The following PDZRN4 variants were observed in gnomAD, a reference collection of about 807,000 sequenced individuals.
PDZRN4 encodes the protein PDZ domain-containing RING finger protein 4.
Under a neutral mutation model 99.0 loss-of-function variants are expected in PDZRN4, and 70 were observed. The ratio of observed to expected loss-of-function variants is 0.71; its 90% CI spans 0.58 to 0.86. The LOEUF is 0.86. PDZRN4 is among the 40% of genes least tolerant of loss of function. The probability of loss-of-function intolerance (pLI) is 0.00; values close to 1 mark genes in which losing one functional copy is unlikely to be tolerated. For synonymous variants in PDZRN4, 551 were observed against 501.6 expected, an observed-to-expected ratio of 1.10 and a Z score of -1.32; for missense variants, 1,474 against 1,331.2, an observed-to-expected ratio of 1.11 and a Z score of -1.67.
chr12:41,486,583 T>C lies in PDZRN4; in HGVS notation c.844-19873T>C, dbSNP rs541327925. The stretch of plus-strand genomic sequence containing the variant: ...CTGAAGATTGCAAGAGAAATAGCAA[T>C]AATATGAGAAGGTAGCAGCTGGGAA... On this transcript the variant is annotated intron_variant, in intron 3 of 9. Coordinates refer to ENST00000402685, the MANE Select transcript of PDZRN4 (RefSeq NM_001164595.2). Among the ~76,000 whole-genome samples, 7 of 151,816 alleles carry C rather than the reference T, an allele frequency of 4.6e-5. No homozygotes were observed. In the South Asian group the frequency reaches 1.3e-3, roughly 27 times the overall value.
intron 2 of PDZRN4, among the ~76,000 whole-genome samples, chr12:41,192,540 C>A (rs1475181837): frequency 6.6e-6 from 1 of 152,190 alleles, no homozygotes; most frequent in Non-Finnish European, 1.5e-5. Flanking sequence ...AAACCTATTT[C>A]ACAATACCAT....
At chr12:41,200,802 T>C (rs1950810189) in intron 3 of PDZRN4, among the ~76,000 whole-genome samples, 1 of 152,150 alleles carries the variant, frequency 6.6e-6, no homozygotes, top group African/African-American at 2.4e-5. Flanking sequence ...CCTTTCTGTC[T>C]TTCTTATTCC....
At chr12:41,358,858 A>G (rs1157839787) in intron 3 of PDZRN4, among the ~76,000 whole-genome samples, 1 of 152,012 alleles carries the variant, frequency 6.6e-6, no homozygotes, top group African/African-American at 2.4e-5. Flanking sequence ...TTTCTTTTAT[A>G]AAGCAAAAGC....
intron 3 of PDZRN4, among the ~76,000 whole-genome samples, chr12:41,298,259 T>C (rs1157132504): frequency 6.6e-6 from 1 of 152,136 alleles, no homozygotes; most frequent in African/African-American, 2.4e-5. Context: ...TCGAAATTAC[T>C]CCCAGTGATA....
At chr12:41,300,071 T>A (rs1422716905) in intron 3 of PDZRN4, among the ~76,000 whole-genome samples, 2 of 151,966 alleles carry the variant, frequency 1.3e-5, no homozygotes, top group African/African-American at 4.8e-5. Context: ...TTTATTTGTG[T>A]CATATTTTAT....
intron 3 of PDZRN4, among the ~76,000 whole-genome samples, chr12:41,324,889 C>A (rs567397383): frequency 1.3e-5 from 2 of 152,164 alleles, no homozygotes; most frequent in African/African-American, 4.8e-5. Context: ...AGAATTAACT[C>A]CAACTGTTCC....
At chr12:41,236,832 A>G (rs1566383012) in intron 3 of PDZRN4, among the ~76,000 whole-genome samples, 1 of 152,228 alleles carries the variant, frequency 6.6e-6, no homozygotes. Context: ...TGATAAGACC[A>G]TAGATACTTG....
At chr12:41,305,199 C>T (rs1032623493) in intron 3 of PDZRN4, among the ~76,000 whole-genome samples, 1 of 152,152 alleles carries the variant, frequency 6.6e-6, no homozygotes, top group African/African-American at 2.4e-5. Context: ...GGAAAGCCAA[C>T]ACGTTTCACT....
In PDZRN4 at chr12:41,563,629, G is replaced by C. The variant is rs757185987; in HGVS notation, c.1447G>C (p.Val483Leu). Reference protein sequence around the residue: ...NDECKRIVLLVARPEIQLDEG... With the variant: ...NDECKRIVLLLARPEIQLDEG... ...TGAGTGTAAGAGAATCGTGCTGCTT[G>C]TTGCAAGGCCAGAGATTCAGGTCAG... is the stretch of plus-strand genomic sequence containing the variant. Residue 483 changes from valine to leucine, a missense_variant, in exon 8 of 10, where the codon GTT becomes CTT. Physicochemically the swap from Val to Leu is conservative, Grantham distance 32. Coordinates refer to ENST00000402685, the MANE Select transcript of PDZRN4 (RefSeq NM_001164595.2). 3.7e-6 allele frequency: 6 copies of C among 1,612,982 alleles called. No homozygotes were observed. In the South Asian group the frequency reaches 6.6e-5, roughly 18 times the overall value.
intron 3 of PDZRN4, among the ~76,000 whole-genome samples, chr12:41,428,515 A>G (rs1349238872): frequency 6.6e-6 from 1 of 152,244 alleles, no homozygotes; most frequent in African/African-American, 2.4e-5. Context: ...ACTCTAAAAA[A>G]AGAGAGAAAT....
At chr12:41,368,495 A>G (rs1952018094) in intron 3 of PDZRN4, among the ~76,000 whole-genome samples, 1 of 152,100 alleles carries the variant, frequency 6.6e-6, no homozygotes, top group Non-Finnish European at 1.5e-5. Context: ...TGAGATTTAA[A>G]GGAATTATAT....
At chr12:41,236,229 G>A (rs1453182699) in intron 3 of PDZRN4, among the ~76,000 whole-genome samples, 2 of 152,138 alleles carry the variant, frequency 1.3e-5, no homozygotes, top group African/African-American at 4.8e-5. Context: ...TTGTGCCTTT[G>A]TAGCACAAAG....
intron 3 of PDZRN4, among the ~76,000 whole-genome samples, chr12:41,262,781 C>A (rs1951249930): frequency 1.3e-5 from 2 of 152,010 alleles, no homozygotes; most frequent in South Asian, 4.1e-4. Context: ...AGTGAAATAT[C>A]ATTTTAGATG....
intron 3 of PDZRN4, among the ~76,000 whole-genome samples, chr12:41,488,997 G>A (rs762419075): frequency 7.2e-5 from 11 of 152,070 alleles, no homozygotes; most frequent in Non-Finnish European, 1.5e-4. Flanking sequence ...GGCTGCATAC[G>A]GCCCAGGACA....
chr12:41,405,694 A>C (rs574188473), intron 3 of PDZRN4, among the ~76,000 whole-genome samples: 2 of 152,204 alleles, frequency 1.3e-5, no homozygotes, highest in South Asian at 2.1e-4. Flanking sequence ...CATGTAATCA[A>C]CCTAAATGCG....
intron 3 of PDZRN4, among the ~76,000 whole-genome samples, chr12:41,334,373 A>G (rs1880886): frequency 0.9 from 133,755 of 149,414 alleles, 60,047 homozygotes; most frequent in Middle Eastern, 0.96. Flanking sequence ...TTCAGTGGGG[A>G]ACATTAATGA....
At chr12:41,207,330 C>A (rs1054081198) in intron 3 of PDZRN4, among the ~76,000 whole-genome samples, 1 of 151,542 alleles carries the variant, frequency 6.6e-6, no homozygotes, top group South Asian at 2.1e-4. Context: ...ATACAGCTGG[C>A]AAGATAGAAT....
intron 3 of PDZRN4, among the ~76,000 whole-genome samples, chr12:41,271,327 A>T (rs1417426972): frequency 6.6e-6 from 1 of 152,130 alleles, no homozygotes; most frequent in Non-Finnish European, 1.5e-5. Flanking sequence ...GGTACAAAAA[A>T]TATGGGTCAA....
chr12:41,239,722 G>T (rs1951090739), intron 3 of PDZRN4, among the ~76,000 whole-genome samples: 2 of 152,232 alleles, frequency 1.3e-5, no homozygotes, highest in South Asian at 2.1e-4. Flanking sequence ...AAGTCAAATT[G>T]TCCTTTCTTA....
Sources: gnomAD v4.1 joint callset for allele counts (sites outside exome capture counted in the v4.1 genomes callset) on GRCh38, gnomAD v4.1.1 for gene constraint, MANE v1.5 for transcripts, NCBI Gene and HGNC (gene_info 2026-07-23, HGNC 2026-07-21) for gene names.